The following MYO3A variants were observed in gnomAD, a reference collection of about 807,000 sequenced individuals.
The protein encoded by MYO3A is myosin-IIIa.
Under a neutral mutation model 192.7 loss-of-function variants are expected in MYO3A, and 180 were observed. The ratio of observed to expected loss-of-function variants is 0.93; its 90% CI spans 0.83 to 1.06. The LOEUF (loss-of-function observed/expected upper bound fraction) is 1.06, where lower values mean the gene tolerates loss of function less well. Among genes scored for constraint, MYO3A ranks in the 50% least tolerant of loss-of-function variants. The probability of loss-of-function intolerance (pLI) is 0.00; values close to 1 mark genes in which losing one functional copy is unlikely to be tolerated. For missense variants in MYO3A, 1,896 were observed against 1,905.0 expected, an observed-to-expected ratio of 1.00 and a Z score of 0.09; for synonymous variants, 628 against 645.3, an observed-to-expected ratio of 0.97 and a Z score of 0.41.
chr10:26,083,076 T>C (rs914135318), intron 14 of MYO3A, among the ~76,000 whole-genome samples: 4 of 152,300 alleles, frequency 2.6e-5, no homozygotes, highest in Admixed American at 6.5e-5. Flanking sequence ...AGTCAAGAAC[T>C]TTCATCTTTT....
At chr10:26,201,006 C>A (rs149244865) in intron 32 of MYO3A, 21 of 194,036 alleles carry the variant, frequency 1.1e-4, no homozygotes, top group African/African-American at 4.9e-4. Flanking sequence ...ATATTGGTCA[C>A]TGTGTGGGAA....
chr10:26,045,864 C>G (rs183027064), intron 10 of MYO3A, among the ~76,000 whole-genome samples: 2 of 152,154 alleles, frequency 1.3e-5, no homozygotes, highest in Admixed American at 1.3e-4. Context: ...GTCCATGCTT[C>G]ATTTGTGCCT....
intron 15 of MYO3A, among the ~76,000 whole-genome samples, chr10:26,090,207 A>C (rs1271473206): frequency 3.3e-5 from 5 of 152,238 alleles, no homozygotes; most frequent in Non-Finnish European, 7.3e-5. Context: ...ACCATGTTGC[A>C]CAATGTCAAG....
intron 27 of MYO3A, among the ~76,000 whole-genome samples, chr10:26,167,781 C>T (rs1034668766): frequency 6.6e-6 from 1 of 152,132 alleles, no homozygotes; most frequent in Non-Finnish European, 1.5e-5. Context: ...GTAACACAAA[C>T]GTGTTTACCC....
chr10:25,974,021 A>G (rs906620447), intron 4 of MYO3A, among the ~76,000 whole-genome samples: 8 of 152,206 alleles, frequency 5.3e-5, no homozygotes, highest in African/African-American at 1.4e-4. Context: ...CATTCAGGAC[A>G]TAGTCATGGG....
chr10:26,073,698 C>T (rs909822393), intron 14 of MYO3A, among the ~76,000 whole-genome samples: 5 of 151,950 alleles, frequency 3.3e-5, no homozygotes, highest in African/African-American at 1.2e-4. Flanking sequence ...AGCTCAAATG[C>T]ATTATGCAAG....
intron 17 of MYO3A, among the ~76,000 whole-genome samples, chr10:26,106,746 A>C (rs1837827982): frequency 2.0e-5 from 3 of 152,246 alleles, no homozygotes; most frequent in African/African-American, 7.2e-5. Flanking sequence ...ATTTTTTCCT[A>C]CAGCAGTTTG....
intron 2 of MYO3A, 102 bp from the exon 3 acceptor site, chr10:25,951,992 T>G: frequency 1.2e-6 from 1 of 845,156 alleles, no homozygotes; most frequent in Non-Finnish European, 1.9e-6. Flanking sequence ...TTGAATATTT[T>G]CTATCATATC....
At chr10:26,172,164 C>T (rs898261318) in intron 29 of MYO3A, among the ~76,000 whole-genome samples, 6 of 152,200 alleles carry the variant, frequency 3.9e-5, no homozygotes, top group African/African-American at 1.4e-4. Flanking sequence ...TGGGCCTGAC[C>T]ACTGCCAGAG....
intron 4 of MYO3A, among the ~76,000 whole-genome samples, chr10:25,972,666 C>A (rs368417292): frequency 6.6e-6 from 1 of 152,106 alleles, no homozygotes; most frequent in South Asian, 2.1e-4. Flanking sequence ...ATCTATGAAG[C>A]CTTTGATGTC....
intron 34 of MYO3A, among the ~76,000 whole-genome samples, chr10:26,206,771 T>G (rs779027940): frequency 6.6e-6 from 1 of 152,220 alleles, no homozygotes; most frequent in African/African-American, 2.4e-5. Context: ...TTTAAGGAAC[T>G]GCCATACTGT....
intron 15 of MYO3A, among the ~76,000 whole-genome samples, chr10:26,090,732 T>G (rs16926578): frequency 6.6e-6 from 1 of 152,184 alleles, no homozygotes; most frequent in Non-Finnish European, 1.5e-5. Flanking sequence ...TGCACTGTTA[T>G]CAATCAGGGT....
At chr10:26,037,842 C>G (rs761457571) in intron 10 of MYO3A, among the ~76,000 whole-genome samples, 12 of 152,166 alleles carry the variant, frequency 7.9e-5, no homozygotes, top group Non-Finnish European at 1.5e-4. Context: ...ATTCTACACA[C>G]TTTCAAACAA....
Position 26,143,545 on chromosome 10 carries a change from T to G in MYO3A, c.2360T>G (p.Leu787Arg). 6.2e-7 allele frequency: 1 copy of G among 1,614,128 alleles called. No individual in the cohort carries two copies. The highest frequency in any genetic ancestry group is 8.5e-7 in the Non-Finnish European group (1 of 1,179,984). Residue 787 changes from leucine (L) to arginine (R), a missense_variant, in exon 21 of 35, where the codon CTT (leucine) becomes CGT (arginine). Coordinates refer to ENST00000642920, the MANE Select transcript of MYO3A (RefSeq NM_017433.5). Reference protein sequence around the residue: ...DMFLQKPMGLLSLLDEESRFP... With the variant: ...DMFLQKPMGLRSLLDEESRFP... ...TTTCTGCAAAAGCCAATGGGTTTAC[T>G]TTCCCTACTTGATGAAGAAAGTAGA...
At chr10:25,966,349 A>G (rs1032350083) in intron 4 of MYO3A, among the ~76,000 whole-genome samples, 5 of 152,152 alleles carry the variant, frequency 3.3e-5, no homozygotes, top group Admixed American at 2.0e-4. Context: ...TAGGTTCTCA[A>G]TATTGAATAG....
intron 26 of MYO3A, among the ~76,000 whole-genome samples, chr10:26,159,225 C>T (rs960267138): frequency 1.3e-4 from 19 of 151,282 alleles, no homozygotes; most frequent in East Asian, 1.2e-3. Context: ...CTCCTGACCT[C>T]GTGATCCGCC....
At chr10:26,105,263 T>A (rs545613410) in intron 17 of MYO3A, among the ~76,000 whole-genome samples, 6 of 152,272 alleles carry the variant, frequency 3.9e-5, no homozygotes, top group East Asian at 1.9e-4. Context: ...GTATATTTTT[T>A]AAATTTGAAT....
chr10:26,108,843 A>G (rs1484999512), intron 17 of MYO3A, among the ~76,000 whole-genome samples: 1 of 152,172 alleles, frequency 6.6e-6, no homozygotes, highest in Non-Finnish European at 1.5e-5. Flanking sequence ...TGTGATCTTT[A>G]CCAACTGGGT....
At chr10:26,171,943 A>G (rs1317265857) in intron 29 of MYO3A, among the ~76,000 whole-genome samples, 2 of 152,222 alleles carry the variant, frequency 1.3e-5, no homozygotes, top group African/African-American at 2.4e-5. Context: ...TCAATGTAGC[A>G]GATACTTATT....
Sources: gnomAD v4.1 joint callset for allele counts (sites outside exome capture counted in the v4.1 genomes callset) on GRCh38, gnomAD v4.1.1 for gene constraint, MANE v1.5 for transcripts, NCBI Gene and HGNC (gene_info 2026-07-23, HGNC 2026-07-21) for gene names.